CD8B2: variants seen among roughly 807,000 people sequenced by gnomAD.
CD8B2 encodes T-cell surface glycoprotein CD8 beta-2 chain.
Under a neutral mutation model 23.7 loss-of-function variants are expected in CD8B2, and 11 were observed. The observed-to-expected ratio is 0.46, with a 90% CI of 0.29 to 0.77. The LOEUF (loss-of-function observed/expected upper bound fraction) is 0.77. CD8B2 is among the 30% of genes least tolerant of loss of function. The pLI, the probability that CD8B2 is intolerant of heterozygous loss-of-function variation, is 0.09. For synonymous variants in CD8B2, 90 were observed against 109.3 expected (o/e 0.82, Z 1.10); for missense variants, 197 against 270.5 (o/e 0.73, Z 1.91).
chr2:106,511,901 T>A (rs1679638306), downstream of CD8B2, among the ~76,000 whole-genome samples: 6 of 152,208 alleles, frequency 3.9e-5, no homozygotes, highest in Admixed American at 3.3e-4. Context: ...CACGTGTGAT[T>A]CCTGTAAAGC....
intron 3 of CD8B2, among the ~76,000 whole-genome samples, chr2:106,498,199 G>C (rs1244999663): frequency 6.6e-6 from 1 of 151,200 alleles, no homozygotes; most frequent in African/African-American, 2.4e-5. Context: ...CCAGGCTGGA[G>C]TGCAGTGGCG....
intron 3 of CD8B2, among the ~76,000 whole-genome samples, chr2:106,497,799 C>T (rs1307467174): frequency 6.6e-6 from 1 of 152,130 alleles, no homozygotes; most frequent in Admixed American, 6.6e-5. Context: ...GACCCCTTCA[C>T]CTAAACGATT....
rs1679619172 is a variant in CD8B2 at position 106,510,876 on chromosome 2, T to A, written c.*3936T>A. On this transcript the variant is annotated 3_prime_UTR_variant, in exon 6 of 6. Coordinates refer to ENST00000643224, the MANE Select transcript of CD8B2 (RefSeq NM_001349727.2). Reference sequence around the variant, plus strand: ...TTCTAATATTGTTCTGCAGATTTGATCTTTTTTCTCTAATAATAAATCAAG... The same window carrying A: ...TTCTAATATTGTTCTGCAGATTTGAACTTTTTTCTCTAATAATAAATCAAG... 6.6e-6 allele frequency: 1 copy of A among 152,198 alleles called. No homozygotes were observed. The highest frequency in any genetic ancestry group is 1.5e-5 in the Non-Finnish European group (1 of 68,036). The allele number at this position is 152,198 out of a possible 1,614,324, so 9.4% of individuals were successfully genotyped here. A position where few individuals can be genotyped will look rare whatever the true frequency, so the allele number is the denominator to read the frequency against.
At chr2:106,493,606 T>C (rs1474557366) in intron 2 of CD8B2, among the ~76,000 whole-genome samples, 1 of 152,146 alleles carries the variant, frequency 6.6e-6, no homozygotes, top group African/African-American at 2.4e-5. Context: ...GCCAGGCTCG[T>C]TGCACCCTCT....
chr2:106,529,098 A>T (rs1679955605), intron 5 of CD8B2, among the ~76,000 whole-genome samples: 1 of 152,152 alleles, frequency 6.6e-6, no homozygotes, highest in Non-Finnish European at 1.5e-5. Flanking sequence ...GGGTTTTGTG[A>T]TGTGTTTCTG....
At chr2:106,531,532 C>G (rs142828256) in intron 5 of CD8B2, among the ~76,000 whole-genome samples, 1 of 152,254 alleles carries the variant, frequency 6.6e-6, no homozygotes, top group Non-Finnish European at 1.5e-5. Context: ...CAGGATGCTG[C>G]CCCTGCAGGG....
chr2:106,501,508 C>T (rs952685153), intron 3 of CD8B2, among the ~76,000 whole-genome samples: 3 of 152,034 alleles, frequency 2.0e-5, no homozygotes, highest in African/African-American at 7.3e-5. Context: ...GTGGTGAAAC[C>T]CCATCTCTAC....
intron 5 of CD8B2, among the ~76,000 whole-genome samples, chr2:106,538,803 A>T (rs1043952514): frequency 1.3e-5 from 2 of 149,750 alleles, no homozygotes; most frequent in African/African-American, 4.9e-5. Context: ...CCACCCACCC[A>T]CCCTTCCACA....
chr2:106,494,586 A>T (rs1679263633), intron 2 of CD8B2, among the ~76,000 whole-genome samples: 2 of 151,912 alleles, frequency 1.3e-5, no homozygotes, highest in Non-Finnish European at 2.9e-5. Flanking sequence ...CTTAACCCAC[A>T]AAGGCAAGGG....
At chr2:106,540,984 A>G (rs1680163458) in intron 5 of CD8B2, among the ~76,000 whole-genome samples, 1 of 152,128 alleles carries the variant, frequency 6.6e-6, no homozygotes, top group Non-Finnish European at 1.5e-5. Context: ...TTTGGGGAAA[A>G]TGACCTTTAA....
chr2:106,488,838 T>C (rs1679133692), intron 1 of CD8B2, among the ~76,000 whole-genome samples: 1 of 152,130 alleles, frequency 6.6e-6, no homozygotes, highest in Non-Finnish European at 1.5e-5. Context: ...ACTGGCATTA[T>C]TGATTCTTAT....
intron 3 of CD8B2, among the ~76,000 whole-genome samples, chr2:106,502,011 G>A (rs1679417176): frequency 6.6e-6 from 1 of 152,060 alleles, no homozygotes; most frequent in South Asian, 2.1e-4. Flanking sequence ...AAGACTAGAC[G>A]ATGGCTGGAC....
chr2:106,497,391 C>A (rs941826603), intron 3 of CD8B2, among the ~76,000 whole-genome samples: 3 of 152,208 alleles, frequency 2.0e-5, no homozygotes, highest in Non-Finnish European at 4.4e-5. Context: ...CCACCAGACA[C>A]CTCAGCTGGA....
chr2:106,515,114 C>T (rs1212247083), downstream of CD8B2, among the ~76,000 whole-genome samples: 1 of 152,228 alleles, frequency 6.6e-6, no homozygotes, highest in Non-Finnish European at 1.5e-5. Flanking sequence ...AGGAAAAGTA[C>T]TTTGCATCCT....
At chr2:106,533,604 C>T (rs2104574567) in intron 5 of CD8B2, among the ~76,000 whole-genome samples, 1 of 152,264 alleles carries the variant, frequency 6.6e-6, no homozygotes, top group South Asian at 2.1e-4. Context: ...AGGATCTCAG[C>T]TCAGCTTGGC....
chr2:106,504,058 CTG>C (rs1371363583), intron 4 of CD8B2, among the ~76,000 whole-genome samples: 1 of 152,156 alleles, frequency 6.6e-6, no homozygotes, highest in African/African-American at 2.4e-5. Flanking sequence ...TTCACTCACT[CTG>C]TGTCTCAGTT....
Position 106,508,969 on chromosome 2 carries a change from G to A in CD8B2, c.*2029G>A, listed in dbSNP as rs1679569264. 6.6e-6 allele frequency: 1 copy of A among 151,750 alleles called. No individual in the cohort carries two copies. The highest frequency in any genetic ancestry group is 1.5e-5 in the Non-Finnish European group (1 of 67,964). 9.4% of individuals were successfully genotyped at this position (151,750 alleles called of 1,614,324 possible). On this transcript the variant is annotated 3_prime_UTR_variant, in exon 6 of 6. Coordinates refer to ENST00000643224, the MANE Select transcript of CD8B2 (RefSeq NM_001349727.2). ...ACCCAGGTGTTTTCCGTTTGCTCCAGCTTTGAGAAGTCAGCACAAATTGGC... is the reference window on the plus strand; with the variant it reads ...ACCCAGGTGTTTTCCGTTTGCTCCAACTTTGAGAAGTCAGCACAAATTGGC...
At chr2:106,522,944 T>G (rs1252285603) in intron 5 of CD8B2, among the ~76,000 whole-genome samples, 1 of 152,122 alleles carries the variant, frequency 6.6e-6, no homozygotes, top group African/African-American at 2.4e-5. Context: ...CCCAGGAACT[T>G]AGAGACCCCC....
intron 2 of CD8B2, among the ~76,000 whole-genome samples, chr2:106,493,818 C>T (rs1228292359): frequency 6.6e-6 from 1 of 152,184 alleles, no homozygotes; most frequent in African/African-American, 2.4e-5. Flanking sequence ...GGCTGTCTAA[C>T]TTTGGGCACA....
Sources: allele counts gnomAD v4.1 joint callset (sites outside exome capture counted in the v4.1 genomes callset), GRCh38; gene constraint gnomAD v4.1.1; transcripts MANE v1.5; gene names NCBI Gene and HGNC (gene_info 2026-07-23, HGNC 2026-07-21).